PNPLA7: variants seen among roughly 807,000 people sequenced by gnomAD.
PNPLA7 encodes the protein patatin-like phospholipase domain-containing protein 7.
PNPLA7 carries 153 observed loss-of-function variants against 161.7 expected under a neutral mutation model. That is an observed-to-expected ratio of 0.95 (90% CI 0.83 to 1.08). The LOEUF is 1.08. PNPLA7 is among the 50% of genes least tolerant of loss of function. The probability of loss-of-function intolerance (pLI) is 0.00; values close to 1 mark genes in which losing one functional copy is unlikely to be tolerated. For synonymous variants in PNPLA7, 809 were observed against 782.1 expected (o/e 1.03, Z -0.57); for missense variants, 1,739 against 1,856.6 (o/e 0.94, Z 1.16).
chr9:137,485,640 A>G (rs972896695), intron 20 of PNPLA7, among the ~76,000 whole-genome samples: 6 of 152,238 alleles, frequency 3.9e-5, no homozygotes, highest in Non-Finnish European at 8.8e-5. Flanking sequence ...GTCATCTGCA[A>G]GGGATTCCAG....
At position 137,500,830 on chromosome 9, in the gene PNPLA7, C is replaced by T; in HGVS notation, c.1618G>A (p.Glu540Lys). The change falls in exon 16 of 35, where the codon GAG becomes AAG. Residue 540 changes from glutamate to lysine, a missense_variant. Glu to Lys is a moderately conservative substitution (Grantham distance 56). Coordinates refer to ENST00000406427, the MANE Select transcript of PNPLA7 (RefSeq NM_001098537.3). This position sits in a 1 kb window ranked among gnomAD's most constrained non-coding sequence, Gnocchi z 5.5. The stretch of plus-strand genomic sequence containing the variant: ...CGCGTGAGGAACAAGCAGGTGTCCT[C>T]CTGGCTGCCGATCTTCCGCTGGTAC... ...HVYQRKIGSQ[E>K]DTCLFLTRPG... The T allele has an allele frequency of 1.2e-6, 2 of 1,603,010 alleles. No individual in the cohort carries two copies. The highest frequency in any genetic ancestry group is 1.1e-5 in the South Asian group (1 of 89,250).
intron 8 of PNPLA7, among the ~76,000 whole-genome samples, chr9:137,538,914 T>C (rs570176809): frequency 6.6e-6 from 1 of 152,180 alleles, no homozygotes; most frequent in Non-Finnish European, 1.5e-5. Context: ...TAGCCAGGTG[T>C]GATGGCACAT....
chr9:137,535,604 T>C (rs1835842543), intron 8 of PNPLA7, among the ~76,000 whole-genome samples: 1 of 149,576 alleles, frequency 6.7e-6, no homozygotes, highest in Middle Eastern at 3.3e-3. Flanking sequence ...AATACAAAAA[T>C]TAGCTGGGCA....
At chr9:137,546,803 C>T (rs1430256785) in intron 4 of PNPLA7, 27 bp downstream of exon 4, 2 of 1,611,402 alleles carry the variant, frequency 1.2e-6, no homozygotes. Context: ...AAGCCGTGTG[C>T]AGCCTGGGGC....
intron 21 of PNPLA7, among the ~76,000 whole-genome samples, chr9:137,483,956 CAG>C (rs778926867): frequency 1.7e-4 from 26 of 151,646 alleles, no homozygotes; most frequent in Admixed American, 4.6e-4. Context: ...TTATTTGAGA[CAG>C]AATCTTGCTC....
intron 9 of PNPLA7, among the ~76,000 whole-genome samples, chr9:137,522,236 G>A (rs1588674066): frequency 1.3e-5 from 2 of 152,184 alleles, no homozygotes; most frequent in Admixed American, 6.5e-5. Context: ...CACCACGCCT[G>A]GCTAATTTTT....
At chr9:137,512,097 C>T (rs1005228896) in intron 12 of PNPLA7, among the ~76,000 whole-genome samples, 3 of 152,206 alleles carry the variant, frequency 2.0e-5, no homozygotes, top group Non-Finnish European at 4.4e-5. Flanking sequence ...CTCTTAGTCT[C>T]GTGTCTTATT....
chr9:137,500,945 A>C lies in PNPLA7; in HGVS notation c.1552-49T>G. On this transcript the variant is annotated intron_variant, in intron 15 of 34. Transcript: ENST00000406427. This position sits in a 1 kb window ranked among gnomAD's most constrained non-coding sequence, Gnocchi z 5.5. ...GGCGCCGCGAGTGGCCGCGGGCAGG[A>C]CGGGGGCAGCTCTGGGCCCAGAGCG... 6 of 1,508,516 alleles carry C rather than the reference A, an allele frequency of 4.0e-6. No homozygotes were observed. The highest frequency in any genetic ancestry group is 5.3e-6 in the Non-Finnish European group (6 of 1,124,422). The allele number at this position is 1,508,516 out of a possible 1,614,324, so 93.4% of individuals were successfully genotyped here.
In PNPLA7 at chr9:137,542,666, C is replaced by T. The variant is rs1341444353; in HGVS notation, c.642G>A (p.Arg214=). 1 of 1,610,508 alleles carries T rather than the reference C, an allele frequency of 6.2e-7. No homozygotes were observed. The highest frequency in any genetic ancestry group is 1.3e-5 in the African/African-American group (1 of 74,854). The change falls in exon 7 of 35, where the codon CGG becomes CGA. Residue 214 remains arginine (R), a synonymous_variant. Coordinates refer to ENST00000406427, the MANE Select transcript of PNPLA7 (RefSeq NM_001098537.3). ...DPSICVVQDG[R]LEVCIQDTDG... is the part of the protein sequence containing the mutation. Reference sequence around the variant, plus strand: ...CAGTGTCCTGGATGCAGACCTCCAGCCGCCCGTCCTGCACCACACAGATGC... The same window carrying T: ...CAGTGTCCTGGATGCAGACCTCCAGTCGCCCGTCCTGCACCACACAGATGC...
intron 8 of PNPLA7, among the ~76,000 whole-genome samples, chr9:137,526,927 C>T (rs1412582051): frequency 1.3e-5 from 2 of 151,728 alleles, no homozygotes; most frequent in Non-Finnish European, 2.9e-5. Context: ...CTTTCTCTTC[C>T]CCTACTGCTC....
In PNPLA7 at chr9:137,486,227, TG is replaced by T. The variant is rs1473441940; in HGVS notation, c.2198-1492del. 3.3e-5 allele frequency among the ~76,000 whole-genome samples: 5 copies of T among 151,880 alleles called. No individual in the cohort carries two copies. The highest frequency in any genetic ancestry group is 7.4e-5 in the Non-Finnish European group (5 of 67,974). ...AGGGAAGAGGCCAGGAGAGCAAGCCTGGGGACACAGAACCAAGTGAGGGCTT... is the reference window on the plus strand; with the variant it reads ...AGGGAAGAGGCCAGGAGAGCAAGCCTGGGACACAGAACCAAGTGAGGGCTT... On this transcript the variant is annotated intron_variant, in intron 20 of 34. Transcript: ENST00000406427. This position sits in a 1 kb window ranked among gnomAD's most constrained non-coding sequence, Gnocchi z 6.0.
At chr9:137,548,102 G>A (rs1194555699) in intron 1 of PNPLA7, among the ~76,000 whole-genome samples, 3 of 152,340 alleles carry the variant, frequency 2.0e-5, no homozygotes, top group South Asian at 4.1e-4. Flanking sequence ...GGAGGCAGCG[G>A]CCGAGAAGGC....
chr9:137,522,907 C>T, intron 8 of PNPLA7, 50 bp from the exon 9 acceptor site: 1 of 1,599,230 alleles, frequency 6.3e-7, no homozygotes, highest in East Asian at 2.2e-5. Context: ...GGCCAACCCC[C>T]CAGGGAATGC....
At chr9:137,482,507 C>T (rs778456778) in intron 21 of PNPLA7, among the ~76,000 whole-genome samples, 4 of 152,258 alleles carry the variant, frequency 2.6e-5, no homozygotes, top group Non-Finnish European at 5.9e-5. Flanking sequence ...GTTCCATTTC[C>T]ATCACTTTCT....
At chr9:137,472,950 G>A (rs1047409334) in intron 25 of PNPLA7, among the ~76,000 whole-genome samples, 10 of 149,920 alleles carry the variant, frequency 6.7e-5, no homozygotes, top group East Asian at 1.9e-4. Flanking sequence ...GCAAGACTCC[G>A]TCTCAAAAAA....
rs77163294 is a variant in PNPLA7 at position 137,543,858 on chromosome 9, G to T, written c.274-43C>A. On this transcript the variant is annotated intron_variant, in intron 4 of 34. Transcript: ENST00000406427. The surrounding 1 kb of genome is among the most constrained non-coding windows in gnomAD (Gnocchi z 6.9). ...AGACCAGCCACTGACCCTGCAAGCCGCAAGGTCCAAGCTCTTTGCCATGGG... is the reference window on the plus strand; with the variant it reads ...AGACCAGCCACTGACCCTGCAAGCCTCAAGGTCCAAGCTCTTTGCCATGGG... 2 of 1,540,270 alleles carry T rather than the reference G, an allele frequency of 1.3e-6. No homozygotes were observed. The highest frequency in any genetic ancestry group is 1.1e-5 in the South Asian group (1 of 89,512).
rs777214324 is a variant in PNPLA7, at chr9:137,479,156, G to A, written c.2663C>T (p.Ala888Val). The A allele has an allele frequency of 1.1e-5, 18 of 1,575,160 alleles. No individual in the cohort carries two copies. The highest frequency in any genetic ancestry group is 2.3e-5 in the South Asian group (2 of 86,046). The change falls in exon 24 of 35, where the codon GCG (alanine) becomes GTG (valine). Residue 888 changes from alanine to valine, a missense_variant. This residue lies in a region of PNPLA7 where 703 missense variants were observed against 694.6 expected (regional missense o/e 1.01). Transcript: ENST00000406427. ...LLHREEGPAP[A>V]RTVEWLNMRS... Reference sequence around the variant, plus strand: ...CATGTTGAGCCACTCCACGGTGCGCGCTGGCGCCGGGCCCTCCTCCCTGTG... The same window carrying A: ...CATGTTGAGCCACTCCACGGTGCGCACTGGCGCCGGGCCCTCCTCCCTGTG...
At chr9:137,515,294 C>T in intron 12 of PNPLA7, 85 bp downstream of exon 12, 1 of 1,512,626 alleles carries the variant, frequency 6.6e-7, no homozygotes, top group Non-Finnish European at 8.9e-7. Flanking sequence ...GGCGGCGATG[C>T]TGGGCATCAG....
chr9:137,537,136 G>A lies in PNPLA7; in HGVS notation c.747+3506C>T, dbSNP rs1369513744. Among the ~76,000 whole-genome samples, 1 of 152,222 alleles carries A rather than the reference G, an allele frequency of 6.6e-6. No individual in the cohort carries two copies. Among genetic ancestry groups the A allele is most frequent in the Non-Finnish European group, 1.5e-5 (1 of 68,042 alleles). On this transcript the variant is annotated intron_variant, in intron 8 of 34. Coordinates refer to ENST00000406427, the MANE Select transcript of PNPLA7 (RefSeq NM_001098537.3). This position sits in a 1 kb window ranked among gnomAD's most constrained non-coding sequence, Gnocchi z 4.5. ...GAAGGAACCGAAGCGTTTTCAGTGT[G>A]AGGGGACAGACGGCCACTGTTGATA... is the stretch of plus-strand genomic sequence containing the variant.
Sources: gnomAD v4.1 joint callset for allele counts (sites outside exome capture counted in the v4.1 genomes callset) on GRCh38, gnomAD v4.1.1 for gene constraint, gnomAD v4.1.1 regional missense constraint, Gnocchi (gnomAD v3.1) non-coding constraint, MANE v1.5 for transcripts, NCBI Gene and HGNC (gene_info 2026-07-23, HGNC 2026-07-21) for gene names.